The following PPM1E variants were observed in gnomAD, a reference collection of about 807,000 sequenced individuals.
PPM1E encodes protein phosphatase 1E.
In PPM1E, 20 loss-of-function variants were observed where a neutral mutation model predicts 65.9. The observed-to-expected ratio is 0.30, with a 90% CI of 0.21 to 0.44. The LOEUF is 0.44. Among genes scored for constraint, PPM1E ranks in the 20% least tolerant of loss-of-function variants. PPM1E has a pLI of 1.00. For synonymous variants in PPM1E, 352 were observed against 374.9 expected (o/e 0.94, Z 0.70); for missense variants, 713 against 953.1 (o/e 0.75, Z 3.32).
intron 1 of PPM1E, among the ~76,000 whole-genome samples, chr17:58,905,533 T>G (rs758681960): frequency 6.6e-6 from 1 of 152,212 alleles, no homozygotes; most frequent in Non-Finnish European, 1.5e-5. Context: ...GATCATCAGA[T>G]GCATCAATTT....
intron 1 of PPM1E, among the ~76,000 whole-genome samples, chr17:58,874,383 T>C (rs2143359465): frequency 6.6e-6 from 1 of 152,332 alleles, no homozygotes; most frequent in South Asian, 2.1e-4. Flanking sequence ...TTATATATCT[T>C]CTAATCTCTC....
chr17:58,978,756 G>A (rs375236482), intron 6 of PPM1E, among the ~76,000 whole-genome samples: 1 of 152,060 alleles, frequency 6.6e-6, no homozygotes, highest in East Asian at 1.9e-4. Context: ...TAAGCTATTT[G>A]GTTACCTCAT....
chr17:58,835,236 G>A (rs1197367139), intron 1 of PPM1E, among the ~76,000 whole-genome samples: 2 of 152,094 alleles, frequency 1.3e-5, no homozygotes, highest in Non-Finnish European at 2.9e-5. Flanking sequence ...AGCTACTGGG[G>A]AGGCTAAGGC....
intron 1 of PPM1E, among the ~76,000 whole-genome samples, chr17:58,790,434 A>G (rs1358122158): frequency 6.6e-6 from 1 of 152,088 alleles, no homozygotes; most frequent in African/African-American, 2.4e-5. Flanking sequence ...ATGGTCTATA[A>G]TGGACATCAT....
chr17:58,808,303 A>G (rs1343970109), intron 1 of PPM1E, among the ~76,000 whole-genome samples: 2 of 152,204 alleles, frequency 1.3e-5, no homozygotes, highest in Non-Finnish European at 2.9e-5. Context: ...TTGCTCTTCC[A>G]TATAACCCTT....
chr17:58,767,104 G>A (rs1477735870), intron 1 of PPM1E, among the ~76,000 whole-genome samples: 1 of 152,062 alleles, frequency 6.6e-6, no homozygotes, highest in Non-Finnish European at 1.5e-5. Context: ...CTTGCAGAGG[G>A]TCAGCATTGT....
intron 1 of PPM1E, among the ~76,000 whole-genome samples, chr17:58,810,537 G>A (rs1223662168): frequency 1.3e-5 from 2 of 152,140 alleles, no homozygotes; most frequent in African/African-American, 4.8e-5. Flanking sequence ...TCAACAGGAA[G>A]CAAATAATAT....
chr17:58,823,097 C>A (rs527707357), intron 1 of PPM1E, among the ~76,000 whole-genome samples: 45 of 151,890 alleles, frequency 3.0e-4, no homozygotes, highest in Admixed American at 2.2e-3. Flanking sequence ...CTATTTTATC[C>A]AAGTGGAAGC....
chr17:58,758,758 A>T (rs996096951), intron 1 of PPM1E, among the ~76,000 whole-genome samples: 2 of 152,136 alleles, frequency 1.3e-5, no homozygotes, highest in South Asian at 4.1e-4. Flanking sequence ...TGTTCATGTA[A>T]AGTATCTTTA....
At position 58,985,165 on chromosome 17, in the gene PPM1E, G is replaced by A. The variant is rs1470233387; in HGVS notation, c.*4134G>A. ...TTGCCAATTATCTTAATAAAACCTG[G>A]CAATTTAAAAACCACTAGTCATTTG... On this transcript the variant is annotated 3_prime_UTR_variant, in exon 7 of 7. Coordinates refer to ENST00000308249, the MANE Select transcript of PPM1E (RefSeq NM_014906.5). The A allele has an allele frequency of 6.6e-6, 1 of 152,546 alleles. No individual in the cohort carries two copies. The highest frequency in any genetic ancestry group is 1.5e-5 in the Non-Finnish European group (1 of 68,030). 9.4% of individuals were successfully genotyped at this position (152,546 alleles called of 1,614,324 possible).
chr17:58,818,546 G>A (rs1274229775), intron 1 of PPM1E, among the ~76,000 whole-genome samples: 1 of 151,992 alleles, frequency 6.6e-6, no homozygotes, highest in Non-Finnish European at 1.5e-5. Context: ...AGATTTGAGG[G>A]CTACTTATTC....
chr17:58,860,043 G>A (rs1288778914), intron 1 of PPM1E, among the ~76,000 whole-genome samples: 1 of 152,122 alleles, frequency 6.6e-6, no homozygotes, highest in East Asian at 1.9e-4. Context: ...AGATTCTTAT[G>A]TGGCTGTCAT....
chr17:58,778,946 A>G (rs1232126461), intron 1 of PPM1E, among the ~76,000 whole-genome samples: 1 of 142,728 alleles, frequency 7.0e-6, no homozygotes, highest in African/African-American at 2.5e-5. Flanking sequence ...ATATATATAT[A>G]TATATATATA....
chr17:58,877,201 A>G (rs1445268139), intron 1 of PPM1E, among the ~76,000 whole-genome samples: 1 of 152,260 alleles, frequency 6.6e-6, no homozygotes, highest in African/African-American at 2.4e-5. Flanking sequence ...ACAATATAAT[A>G]CAACTATTTG....
chr17:58,940,459 C>T (rs1417301312), intron 1 of PPM1E, among the ~76,000 whole-genome samples: 2 of 152,144 alleles, frequency 1.3e-5, no homozygotes, highest in Non-Finnish European at 2.9e-5. Context: ...TAATCCTCCT[C>T]CCTACTTCAC....
At chr17:58,973,408 C>A (rs2030772663) in intron 6 of PPM1E, among the ~76,000 whole-genome samples, 1 of 130,906 alleles carries the variant, frequency 7.6e-6, no homozygotes, top group Admixed American at 7.5e-5. Context: ...CAGTGTGAGA[C>A]TGTCTCAAAA....
intron 1 of PPM1E, among the ~76,000 whole-genome samples, chr17:58,924,795 T>G (rs1431582023): frequency 1.3e-5 from 2 of 150,906 alleles, no homozygotes; most frequent in Non-Finnish European, 3.0e-5. Flanking sequence ...TTCTCCTTGT[T>G]CAACTCCCAC....
At chr17:58,784,103 A>G (rs1231621509) in intron 1 of PPM1E, among the ~76,000 whole-genome samples, 1 of 149,934 alleles carries the variant, frequency 6.7e-6, no homozygotes, top group African/African-American at 2.5e-5. Context: ...GCTCACTGCA[A>G]CCTCCACCTC....
At chr17:58,885,885 G>A (rs1237016232) in intron 1 of PPM1E, among the ~76,000 whole-genome samples, 3 of 152,200 alleles carry the variant, frequency 2.0e-5, no homozygotes, top group Non-Finnish European at 4.4e-5. Context: ...TGGGAGTAGG[G>A]AGGAGAATCA....
Sources: gnomAD v4.1 joint callset for allele counts (sites outside exome capture counted in the v4.1 genomes callset) on GRCh38, gnomAD v4.1.1 for gene constraint, MANE v1.5 for transcripts, NCBI Gene and HGNC (gene_info 2026-07-23, HGNC 2026-07-21) for gene names.